DLGAP1: variants seen among roughly 807,000 people sequenced by gnomAD.
The protein encoded by DLGAP1 is disks large-associated protein 1.
In DLGAP1, 11 loss-of-function variants were observed where a neutral mutation model predicts 90.8. The observed-to-expected ratio is 0.12, with a 90% CI of 0.08 to 0.20. The LOEUF (loss-of-function observed/expected upper bound fraction) is 0.20. DLGAP1 is among the 10% of genes least tolerant of loss of function. DLGAP1 has a pLI of 1.00. For missense variants in DLGAP1, 1,050 were observed against 1,333.8 expected, an observed-to-expected ratio of 0.79 and a Z score of 3.31; for synonymous variants, 558 against 540.7, an observed-to-expected ratio of 1.03 and a Z score of -0.44.
At chr18:3,850,516 C>T (rs1397860266) in intron 4 of DLGAP1, among the ~76,000 whole-genome samples, 1 of 152,158 alleles carries the variant, frequency 6.6e-6, no homozygotes, top group Admixed American at 6.5e-5. Flanking sequence ...AAATATTAAG[C>T]TCGAATTTTT....
intron 3 of DLGAP1, among the ~76,000 whole-genome samples, chr18:3,890,109 C>T (rs1327541031): frequency 1.3e-5 from 2 of 152,222 alleles, no homozygotes; most frequent in African/African-American, 4.8e-5. Context: ...TAACTGCAAG[C>T]ATACAGAACC....
intron 2 of DLGAP1, among the ~76,000 whole-genome samples, chr18:4,128,197 A>G (rs1272211867): frequency 1.3e-5 from 2 of 152,186 alleles, no homozygotes. Context: ...ATCTGTACTG[A>G]CCAGATACAG....
intron 7 of DLGAP1, among the ~76,000 whole-genome samples, chr18:3,725,284 A>T (rs183221549): frequency 7.2e-5 from 11 of 152,322 alleles, no homozygotes; most frequent in African/African-American, 2.6e-4. Context: ...AAGTCTGCCT[A>T]GCTACAATGT....
At chr18:4,314,787 A>G (rs900268155) in intron 1 of DLGAP1, among the ~76,000 whole-genome samples, 2 of 152,180 alleles carry the variant, frequency 1.3e-5, no homozygotes, top group Non-Finnish European at 2.9e-5. Flanking sequence ...ATGGTACGTT[A>G]GGGCGTGGTG....
chr18:3,885,776 G>T (rs2071295889), intron 3 of DLGAP1, among the ~76,000 whole-genome samples: 1 of 152,136 alleles, frequency 6.6e-6, no homozygotes, highest in Non-Finnish European at 1.5e-5. Context: ...TGGATAATTT[G>T]TTGACTCTGT....
intron 4 of DLGAP1, among the ~76,000 whole-genome samples, chr18:3,854,437 C>T (rs936211035): frequency 6.6e-6 from 1 of 152,156 alleles, no homozygotes; most frequent in African/African-American, 2.4e-5. Flanking sequence ...GTTTTGAAAA[C>T]ATTCTTTTTG....
At chr18:4,197,203 A>AG (rs1209146564) in intron 1 of DLGAP1, among the ~76,000 whole-genome samples, 2 of 149,778 alleles carry the variant, frequency 1.3e-5, no homozygotes, top group Non-Finnish European at 3.0e-5. Flanking sequence ...AAAAAAAAAA[A>AG]AAAAAGAAAA....
At chr18:4,276,515 A>T (rs1241661404) in intron 1 of DLGAP1, among the ~76,000 whole-genome samples, 1 of 152,052 alleles carries the variant, frequency 6.6e-6, no homozygotes, top group Non-Finnish European at 1.5e-5. Context: ...ATGCACCTGT[A>T]ATCCCAGCTA....
chr18:3,679,716 G>A (rs1020409097), intron 7 of DLGAP1: 1 of 151,806 alleles, frequency 6.6e-6, no homozygotes, highest in Non-Finnish European at 1.5e-5. Context: ...GAGGTGGGAG[G>A]ATTGTTGAGC....
At chr18:4,085,835 C>T (rs2143674200) in intron 2 of DLGAP1, among the ~76,000 whole-genome samples, 1 of 152,332 alleles carries the variant, frequency 6.6e-6, no homozygotes, top group Middle Eastern at 3.4e-3. Flanking sequence ...TGACCTAACT[C>T]CCTCTTCTTC....
chr18:3,607,573 C>T (rs1368614331), intron 7 of DLGAP1: 1 of 152,174 alleles, frequency 6.6e-6, no homozygotes, highest in Non-Finnish European at 1.5e-5. Context: ...AACATGGACC[C>T]ATACAAGGCA....
intron 2 of DLGAP1, among the ~76,000 whole-genome samples, chr18:4,031,283 T>C (rs1451716490): frequency 6.6e-6 from 1 of 152,236 alleles, no homozygotes; most frequent in Non-Finnish European, 1.5e-5. Context: ...GGTGGAGTTT[T>C]AGCTGGTTAA....
chr18:3,599,838 C>T (rs750457251), intron 7 of DLGAP1, among the ~76,000 whole-genome samples: 17 of 151,966 alleles, frequency 1.1e-4, no homozygotes, highest in Admixed American at 2.0e-4. Flanking sequence ...AGGATGGTCT[C>T]GATCTCTTGA....
At chr18:3,628,190 T>A (rs2058379897) in intron 7 of DLGAP1, among the ~76,000 whole-genome samples, 2 of 100,138 alleles carry the variant, frequency 2.0e-5, no homozygotes, top group Admixed American at 2.0e-4. Context: ...GCTATATTCT[T>A]TTTTTTTTTT....
chr18:4,336,847 T>C (rs1186450097), intron 1 of DLGAP1, among the ~76,000 whole-genome samples: 3 of 151,790 alleles, frequency 2.0e-5, no homozygotes, highest in Non-Finnish European at 2.9e-5. Flanking sequence ...ATCTAGTTTA[T>C]GTTAGCATTA....
chr18:4,368,095 GA>G (rs932966280), intron 1 of DLGAP1, among the ~76,000 whole-genome samples: 26 of 151,344 alleles, frequency 1.7e-4, no homozygotes, highest in African/African-American at 4.4e-4. Flanking sequence ...CGATTCTAAG[GA>G]AAAAAAACAA....
At chr18:4,089,367 GCCATAC>G (rs1370136047) in intron 2 of DLGAP1, among the ~76,000 whole-genome samples, 1 of 152,108 alleles carries the variant, frequency 6.6e-6, no homozygotes, top group Non-Finnish European at 1.5e-5. Flanking sequence ...TGTGAAAATG[GCCATAC>G]TGCCCAAAGT....
At chr18:4,232,267 G>T (rs1383947522) in intron 1 of DLGAP1, among the ~76,000 whole-genome samples, 1 of 152,060 alleles carries the variant, frequency 6.6e-6, no homozygotes, top group African/African-American at 2.4e-5. Flanking sequence ...CTATTGAGGG[G>T]TCCTTAAATT....
intron 3 of DLGAP1, among the ~76,000 whole-genome samples, chr18:3,934,614 C>T (rs929378950): frequency 1.3e-5 from 2 of 152,126 alleles, no homozygotes; most frequent in Non-Finnish European, 2.9e-5. Context: ...TACATATACA[C>T]ACAGTAAAAC....
Sources: gnomAD v4.1 joint callset for allele counts (sites outside exome capture counted in the v4.1 genomes callset) on GRCh38, gnomAD v4.1.1 for gene constraint, MANE v1.5 for transcripts, NCBI Gene and HGNC (gene_info 2026-07-23, HGNC 2026-07-21) for gene names.